Variants in UCP1 observed in about 807,000 individuals in gnomAD.
UCP1 encodes mitochondrial brown fat uncoupling protein 1.
A neutral mutation model predicts 26.2 loss-of-function variants in UCP1; 24 were observed. The ratio of observed to expected loss-of-function variants is 0.92; its 90% CI spans 0.66 to 1.29. UCP1 has a LOEUF of 1.29. Among genes scored for constraint, UCP1 ranks in the 50% most tolerant of loss-of-function variants. The pLI is 0.00. For synonymous variants in UCP1, 164 were observed against 156.8 expected, an observed-to-expected ratio of 1.05 and a Z score of -0.34; for missense variants, 402 against 388.7, an observed-to-expected ratio of 1.03 and a Z score of -0.29.
At position 140,567,864 on chromosome 4, in the gene UCP1, C is replaced by T. The variant is rs79610439; in HGVS notation, c.240G>A (p.Ala80=). 3.7e-6 allele frequency: 6 copies of T among 1,614,036 alleles called. No individual in the cohort carries two copies. Among genetic ancestry groups the T allele is most frequent in the Admixed American group, 1.7e-5 (1 of 60,004 alleles). ...GRMKLYSGLP[A]GLQRQISSAS... Reference sequence around the variant, plus strand: ...CGGAGCTGATTTGCCGCTGAAGCCCCGCAGGCAGCCCGCTGTAGAGTTTCA... The same window carrying T: ...CGGAGCTGATTTGCCGCTGAAGCCCTGCAGGCAGCCCGCTGTAGAGTTTCA... Residue 80 remains alanine, a synonymous_variant, in exon 2 of 6, where the codon GCG becomes GCA. Coordinates refer to ENST00000262999, the MANE Select transcript of UCP1 (RefSeq NM_021833.5).
chr4:140,567,740 A>G (rs773673102), intron 2 of UCP1, 39 bp downstream of exon 2: 16 of 1,612,142 alleles, frequency 9.9e-6, no homozygotes, highest in Non-Finnish European at 1.3e-5. Context: ...AGCGGAGCCC[A>G]AGGCTTTTCT....
Position 140,568,613 on chromosome 4 carries a change from GA to G in UCP1, c.116del (p.Val39AlafsTer28). On this transcript the variant is annotated frameshift_variant, in exon 1 of 6. Transcript: ENST00000262999. LOFTEE classifies it high-confidence loss of function. ...CCCTCTGCCTAGCTACCTGGAGCCG[GA>G]CTTTGGCCGTGTCCAGCGGGAAGGT... ...VITFPLDTAK[V>X]RLQVQGECPT... 6.2e-7 allele frequency: 1 copy of G among 1,613,688 alleles called. No homozygotes were observed. Among genetic ancestry groups the G allele is most frequent in the Non-Finnish European group, 8.5e-7 (1 of 1,179,958 alleles).
At position 140,568,910 on chromosome 4, in the gene UCP1, G is replaced by T. The variant is rs1388001033; in HGVS notation, c.-181C>A. ...GCTGCAGACGGAGCGCGGTGTTGGG[G>T]GCCGAGTCCCCGCGTCCCCTCCTAC... On this transcript the variant is annotated 5_prime_UTR_variant, in exon 1 of 6. Coordinates refer to ENST00000262999, the MANE Select transcript of UCP1 (RefSeq NM_021833.5). 2 of 875,172 alleles carry T rather than the reference G, an allele frequency of 2.3e-6. No individual in the cohort carries two copies. Among genetic ancestry groups the T allele is most frequent in the Non-Finnish European group, 3.4e-6 (2 of 582,422 alleles). 54.2% of individuals were successfully genotyped at this position (875,172 alleles called of 1,614,324 possible). A position where few individuals can be genotyped will look rare whatever the true frequency, so the allele number is the denominator to read the frequency against.
chr4:140,561,725 G>T (rs143604530), intron 5 of UCP1, among the ~76,000 whole-genome samples: 2 of 152,278 alleles, frequency 1.3e-5, no homozygotes, highest in Admixed American at 6.5e-5. Context: ...TTGTTTCTAG[G>T]TGAGTGTAAT....
Position 140,568,861 on chromosome 4 carries a change from G to C in UCP1, c.-132C>G. On this transcript the variant is annotated 5_prime_UTR_variant, in exon 1 of 6. Transcript: ENST00000262999. Reference sequence around the variant, plus strand: ...TTTCTGTTTTTTGAACCGACCGCCGGGCAGCGGCGGTGCAGAGGCGGCGGC... The same window carrying C: ...TTTCTGTTTTTTGAACCGACCGCCGCGCAGCGGCGGTGCAGAGGCGGCGGC... The C allele has an allele frequency of 7.0e-7, 1 of 1,418,564 alleles. No individual in the cohort carries two copies. The highest frequency in any genetic ancestry group is 9.5e-7 in the Non-Finnish European group (1 of 1,050,318). The allele number at this position is 1,418,564 out of a possible 1,614,324, so 87.9% of individuals were successfully genotyped here. A position where few individuals can be genotyped will look rare whatever the true frequency, so the allele number is the denominator to read the frequency against.
intron 5 of UCP1, 150 bp from the exon 6 acceptor site, chr4:140,560,160 C>T: frequency 1.5e-6 from 1 of 679,726 alleles, no homozygotes; most frequent in African/African-American, 1.8e-5. Flanking sequence ...TTAAGTGATC[C>T]TCCCACCTGA....
chr4:140,560,866 C>T (rs1453370010), intron 5 of UCP1, among the ~76,000 whole-genome samples: 2 of 152,144 alleles, frequency 1.3e-5, no homozygotes, highest in Non-Finnish European at 2.9e-5. Context: ...AAACTCTCTA[C>T]CCATTAAACA....
intron 4 of UCP1, among the ~76,000 whole-genome samples, chr4:140,562,843 C>A (rs192632180): frequency 1.3e-5 from 2 of 151,880 alleles, no homozygotes; most frequent in African/African-American, 2.4e-5. Flanking sequence ...AACAAAAGTC[C>A]CATATATTAG....
intron 2 of UCP1, among the ~76,000 whole-genome samples, chr4:140,565,115 AAGG>A (rs1735769249): frequency 6.6e-6 from 1 of 152,184 alleles, no homozygotes; most frequent in South Asian, 2.1e-4. Context: ...TTTCTCCTAA[AAGG>A]AGCCCACTAA....
Position 140,563,500 on chromosome 4 carries a change from C to T in UCP1, c.344G>A (p.Ser115Asn), listed in dbSNP as rs755139143. ...AGTCGTTAGACCAGCTAAAATCTTGCTTCCTAAACTAGGTGCTGCTATCCA... is the reference window on the plus strand; with the variant it reads ...AGTCGTTAGACCAGCTAAAATCTTGTTTCCTAAACTAGGTGCTGCTATCCA... Reference protein sequence around the residue: ...AGKETAPSLGSKILAGLTTGG... With the variant: ...AGKETAPSLGNKILAGLTTGG... Residue 115 changes from serine (S) to asparagine (N), a missense_variant, in exon 3 of 6, where the codon AGC becomes AAC. Coordinates refer to ENST00000262999, the MANE Select transcript of UCP1 (RefSeq NM_021833.5). 11 of 1,613,796 alleles carry T rather than the reference C, an allele frequency of 6.8e-6. No homozygotes were observed. The South Asian group carries it at 9.9e-5, about 14-fold the overall frequency.
rs1440442697 is a variant in UCP1 at position 140,567,760 on chromosome 4, A to C, written c.325+19T>G. On this transcript the variant is annotated intron_variant, in intron 2 of 5. Transcript: ENST00000262999. ...AGCCCAAGGCTTTTCTGCCCCTCCCAGGAACGCTCACGGCTTACTTTCTTT... is the reference window on the plus strand; with the variant it reads ...AGCCCAAGGCTTTTCTGCCCCTCCCCGGAACGCTCACGGCTTACTTTCTTT... The C allele has an allele frequency of 4.3e-6, 7 of 1,613,600 alleles. No homozygotes were observed. Among genetic ancestry groups the C allele is most frequent in the Non-Finnish European group, 5.9e-6 (7 of 1,179,968 alleles).
chr4:140,562,269 G>C lies in UCP1; in HGVS notation c.733C>G (p.Pro245Ala), dbSNP rs1193548439. ...TTGGGCACACTTTTGTACTGTCCTG[G>C]TGGAGAATTAATAAATCTGGTTTTT... The part of the protein sequence containing the change: ...VVKTRFINSP[P>A]GQYKSVPNCA... The change falls in exon 5 of 6, where the codon CCA becomes GCA. Residue 245 changes from proline to alanine, a missense_variant. Physicochemically the swap from Pro to Ala is conservative, Grantham distance 27 (BLOSUM62 -1). Transcript: ENST00000262999. 6.2e-7 allele frequency: 1 copy of C among 1,614,022 alleles called. No homozygotes were observed. Among genetic ancestry groups the C allele is most frequent in the Non-Finnish European group, 8.5e-7 (1 of 1,180,022 alleles).
intron 2 of UCP1, among the ~76,000 whole-genome samples, chr4:140,565,065 T>C (rs1735768517): frequency 6.6e-6 from 1 of 152,188 alleles, no homozygotes; most frequent in Non-Finnish European, 1.5e-5. Flanking sequence ...TTGACCCTAT[T>C]GGTAGTCCCT....
At chr4:140,566,953 GC>G (rs1406502246) in intron 2 of UCP1, among the ~76,000 whole-genome samples, 9 of 152,198 alleles carry the variant, frequency 5.9e-5, no homozygotes, top group Admixed American at 2.0e-4. Context: ...CCCTGGCTCT[GC>G]CCCCTCCCAG....
At chr4:140,562,615 A>G (rs1735702779) in intron 4 of UCP1, among the ~76,000 whole-genome samples, 3 of 152,214 alleles carry the variant, frequency 2.0e-5, no homozygotes, top group Admixed American at 2.0e-4. Context: ...AAGGCCTGTA[A>G]TAATGCCTAA....
intron 5 of UCP1, 24 bp from the exon 6 acceptor site, chr4:140,560,034 C>A (rs756207662): frequency 1.9e-6 from 3 of 1,566,466 alleles, no homozygotes; most frequent in Non-Finnish European, 2.6e-6. Context: ...TGTCATCGTT[C>A]GATTAATTTG....
In UCP1 at chr4:140,559,954, A is replaced by G; in HGVS notation, c.866T>C (p.Phe289Ser). The G allele has an allele frequency of 6.2e-7, 1 of 1,614,144 alleles. No individual in the cohort carries two copies. Among genetic ancestry groups the G allele is most frequent in the Non-Finnish European group, 8.5e-7 (1 of 1,179,996 alleles). The change falls in exon 6 of 6, where the codon TTT becomes TCT. Residue 289 changes from phenylalanine to serine, a missense_variant. Physicochemically the swap from Phe to Ser is radical, Grantham distance 155. Coordinates refer to ENST00000262999, the MANE Select transcript of UCP1 (RefSeq NM_021833.5). ...TGACAGTTCTCGTTTCAGTTGTTCA[A>G]AGCACACAAACATAATGACGTTCCA... ...GSWNVIMFVC[F>S]EQLKRELSKS...
At chr4:140,568,476 G>C in intron 1 of UCP1, 128 bp downstream of exon 1, 1 of 1,484,734 alleles carries the variant, frequency 6.7e-7, no homozygotes, top group South Asian at 1.2e-5. Flanking sequence ...GACAAGGCCA[G>C]ACTGCTTTGG....
At position 140,568,693 on chromosome 4, in the gene UCP1, G is replaced by A. The variant is rs1274877050; in HGVS notation, c.37C>T (p.Leu13=). ...GLTASDVHPT[L]GVQLFSAGIA... ...CCAGCTGAGAAGAGCTGGACCCCCA[G>A]GGTCGGGTGTACGTCCGAGGCTGTC... The change falls in exon 1 of 6, where the codon CTG becomes TTG. Residue 13 remains leucine, a synonymous_variant. Coordinates refer to ENST00000262999, the MANE Select transcript of UCP1 (RefSeq NM_021833.5). 4 of 1,605,192 alleles carry A rather than the reference G, an allele frequency of 2.5e-6. No homozygotes were observed. The highest frequency in any genetic ancestry group is 3.4e-6 in the Non-Finnish European group (4 of 1,176,880).
Sources: allele counts gnomAD v4.1 joint callset (sites outside exome capture counted in the v4.1 genomes callset), GRCh38; gene constraint gnomAD v4.1.1; transcripts MANE v1.5; gene names NCBI Gene and HGNC (gene_info 2026-07-23, HGNC 2026-07-21).